The following COL22A1 variants were observed in gnomAD, a reference collection of about 807,000 sequenced individuals.
COL22A1 encodes collagen alpha-1(XXII) chain.
COL22A1 carries 221 observed loss-of-function variants against 248.9 expected under a neutral mutation model. The observed-to-expected ratio is 0.89, with a 90% confidence interval of 0.80 to 0.99. The LOEUF is 0.99. Among genes scored for constraint, COL22A1 ranks in the 50% least tolerant of loss-of-function variants. COL22A1 has a pLI of 0.00. For synonymous variants in COL22A1, 891 were observed against 793.4 expected, an observed-to-expected ratio of 1.12 and a Z score of -2.07; for missense variants, 2,240 against 2,179.0, an observed-to-expected ratio of 1.03 and a Z score of -0.56.
intron 38 of COL22A1, 40 bp from the exon 39 acceptor site, chr8:138,684,509 G>C (rs1016884291): frequency 6.8e-7 from 1 of 1,469,172 alleles, no homozygotes; most frequent in Non-Finnish European, 9.5e-7. Context: ...ATGGAGCTGA[G>C]AGTGAACACT....
At chr8:138,667,998 C>T (rs1396938983) in intron 41 of COL22A1, among the ~76,000 whole-genome samples, 2 of 146,158 alleles carry the variant, frequency 1.4e-5, no homozygotes, top group African/African-American at 5.2e-5. Flanking sequence ...TTCTATCAGA[C>T]TAAAAAAAAA....
In COL22A1 at chr8:138,646,633, G is replaced by C; in HGVS notation, c.3497C>G (p.Pro1166Arg). 6.3e-7 allele frequency: 1 copy of C among 1,583,016 alleles called. No individual in the cohort carries two copies. The highest frequency in any genetic ancestry group is 1.7e-4 in the Middle Eastern group (1 of 6,018). ...GLPGPPGIAG[P>R]QGSQGERGAD... ...TGGTTATGAAGTCTCACTGACCTGT[G>C]GTCCAGCTATTCCTGGGGGCCCTGG... Residue 1166 changes from proline (P) to arginine (R), a missense_variant, in exon 47 of 65, where the codon CCA (proline) becomes CGA (arginine). Coordinates refer to ENST00000303045, the MANE Select transcript of COL22A1 (RefSeq NM_152888.3).
intron 1 of COL22A1, among the ~76,000 whole-genome samples, chr8:138,886,733 C>T (rs1015073575): frequency 6.6e-6 from 1 of 152,142 alleles, no homozygotes; most frequent in Admixed American, 6.5e-5. Flanking sequence ...TTATTGGATC[C>T]TCACGTTCAT....
intron 43 of COL22A1, among the ~76,000 whole-genome samples, chr8:138,660,975 T>G (rs371777197): frequency 9.6e-5 from 5 of 52,114 alleles, no homozygotes; most frequent in Admixed American, 6.5e-4. Context: ...CACACACACA[T>G]ACACACACAC....
At chr8:138,632,508 G>C (rs1820806870) in intron 49 of COL22A1, among the ~76,000 whole-genome samples, 1 of 152,134 alleles carries the variant, frequency 6.6e-6, no homozygotes, top group African/African-American at 2.4e-5. Flanking sequence ...GCATAAATAA[G>C]CAAGTTCCCG....
intron 58 of COL22A1, 121 bp downstream of exon 58, chr8:138,606,260 C>T: frequency 6.8e-6 from 6 of 888,380 alleles, no homozygotes; most frequent in Non-Finnish European, 1.1e-5. Flanking sequence ...TGACCCCACA[C>T]AGGTCATCAT....
chr8:138,870,823 ATGTG>A (rs1180867136), intron 3 of COL22A1, among the ~76,000 whole-genome samples: 1 of 149,996 alleles, frequency 6.7e-6, no homozygotes, highest in African/African-American at 2.5e-5. Flanking sequence ...GCATATGCGG[ATGTG>A]TGTGTGAGTG....
chr8:138,631,978 A>C (rs1820760628), intron 49 of COL22A1, among the ~76,000 whole-genome samples: 1 of 152,238 alleles, frequency 6.6e-6, no homozygotes, highest in African/African-American at 2.4e-5. Flanking sequence ...AATATTCTTG[A>C]ATAAATGAAT....
intron 12 of COL22A1, among the ~76,000 whole-genome samples, chr8:138,785,040 G>A (rs567740905): frequency 8.4e-4 from 128 of 152,278 alleles, no homozygotes; most frequent in African/African-American, 3.0e-3. Flanking sequence ...CACAGGGCAG[G>A]TGCATGACTT....
intron 59 of COL22A1, among the ~76,000 whole-genome samples, chr8:138,603,463 A>T (rs1446764533): frequency 2.0e-5 from 3 of 152,280 alleles, no homozygotes; most frequent in East Asian, 3.9e-4. Context: ...GTGGAGATAT[A>T]CTGGGCATGA....
intron 39 of COL22A1, among the ~76,000 whole-genome samples, chr8:138,680,576 C>A (rs1426794812): frequency 6.6e-6 from 1 of 152,140 alleles, no homozygotes. Context: ...TCAAATAACT[C>A]CCTTCCTTGA....
intron 12 of COL22A1, among the ~76,000 whole-genome samples, chr8:138,783,719 T>G (rs1354335695): frequency 6.6e-6 from 1 of 152,202 alleles, no homozygotes; most frequent in African/African-American, 2.4e-5. Flanking sequence ...GTTTTAAGTA[T>G]TAAAATCCTC....
chr8:138,844,676 C>T (rs12546663), intron 3 of COL22A1, among the ~76,000 whole-genome samples: 32 of 151,916 alleles, frequency 2.1e-4, no homozygotes, highest in Admixed American at 2.1e-3. Flanking sequence ...CATGTCCGGG[C>T]GCGGTGGCTC....
intron 40 of COL22A1, among the ~76,000 whole-genome samples, chr8:138,679,058 A>C (rs1825772441): frequency 6.6e-6 from 1 of 152,154 alleles, no homozygotes; most frequent in Non-Finnish European, 1.5e-5. Flanking sequence ...CTGGGACTAC[A>C]GATGTGAACC....
At chr8:138,761,643 T>C (rs1833494050) in intron 17 of COL22A1, among the ~76,000 whole-genome samples, 3 of 152,092 alleles carry the variant, frequency 2.0e-5, no homozygotes, top group Non-Finnish European at 4.4e-5. Context: ...GATGTATATG[T>C]TAAATTATGC....
chr8:138,848,956 G>A (rs1290882413), intron 3 of COL22A1, among the ~76,000 whole-genome samples: 2 of 152,126 alleles, frequency 1.3e-5, no homozygotes, highest in African/African-American at 2.4e-5. Context: ...CGCAGCGGCC[G>A]CTGCTGAGTG....
Position 138,594,123 on chromosome 8 carries a change from C to A in COL22A1, c.4509G>T (p.Gly1503=), listed in dbSNP as rs768819909. The A allele has an allele frequency of 1.3e-6, 2 of 1,577,604 alleles. No individual in the cohort carries two copies. The highest frequency in any genetic ancestry group is 2.8e-5 in the African/African-American group (2 of 71,642). The part of the protein sequence containing the change: ...KSSQGRPGPP[G]PPGKDGLPGR... ...CTGGAAGCCCATCTTTTCCAGGGGG[C>A]CCTGGGGGCCCAGGTCTGCCTTGAG... The change falls in exon 63 of 65, where the codon GGG becomes GGT. Residue 1503 remains glycine, a synonymous_variant. Coordinates refer to ENST00000303045, the MANE Select transcript of COL22A1 (RefSeq NM_152888.3).
chr8:138,868,548 G>A (rs567799478), intron 3 of COL22A1, among the ~76,000 whole-genome samples: 20 of 152,214 alleles, frequency 1.3e-4, no homozygotes, highest in Admixed American at 2.6e-4. Context: ...TATTCAACTC[G>A]ATCATCTTCC....
intron 1 of COL22A1, among the ~76,000 whole-genome samples, chr8:138,908,536 G>A (rs147541818): frequency 6.6e-6 from 1 of 152,314 alleles, no homozygotes; most frequent in East Asian, 1.9e-4. Context: ...TTTGTTAAGA[G>A]CATAGGCTTT....
Sources: allele counts gnomAD v4.1 joint callset (sites outside exome capture counted in the v4.1 genomes callset), GRCh38; gene constraint gnomAD v4.1.1; transcripts MANE v1.5; gene names NCBI Gene and HGNC (gene_info 2026-07-23, HGNC 2026-07-21).